SEMA3A: variants seen among roughly 807,000 people sequenced by gnomAD.
SEMA3A encodes the protein semaphorin 3A.
SEMA3A carries 29 observed loss-of-function variants against 97.9 expected under a neutral mutation model. The ratio of observed to expected loss-of-function variants is 0.30; its 90% confidence interval spans 0.22 to 0.40. The LOEUF is 0.40. Ranked by LOEUF, SEMA3A falls within the 10% of genes least tolerant of loss-of-function variation. The pLI is 1.00. For synonymous variants in SEMA3A, 321 were observed against 323.7 expected, an observed-to-expected ratio of 0.99 and a Z score of 0.09; for missense variants, 763 against 951.3, an observed-to-expected ratio of 0.80 and a Z score of 2.60.
intron 2 of SEMA3A, among the ~76,000 whole-genome samples, chr7:84,357,613 T>C (rs1324261440): frequency 1.3e-5 from 2 of 152,158 alleles, no homozygotes; most frequent in African/African-American, 4.8e-5. Context: ...CATGTGTCTT[T>C]ATAGCAGCAT....
intron 3 of SEMA3A, among the ~76,000 whole-genome samples, chr7:84,116,360 C>T (rs1795431165): frequency 6.6e-6 from 1 of 151,762 alleles, no homozygotes; most frequent in South Asian, 2.1e-4. Context: ...TTTTCATGAC[C>T]AAGTTTAGTT....
chr7:84,245,213 G>A (rs1300461966), intron 3 of SEMA3A, among the ~76,000 whole-genome samples: 3 of 152,076 alleles, frequency 2.0e-5, no homozygotes, highest in Non-Finnish European at 4.4e-5. Flanking sequence ...CTCCCCATCA[G>A]TTTCAGGTAC....
chr7:84,160,219 ATCTG>A (rs1295695909), intron 1 of SEMA3A, among the ~76,000 whole-genome samples: 2 of 130,444 alleles, frequency 1.5e-5, no homozygotes, highest in East Asian at 4.7e-4. Context: ...AAAACTATCA[ATCTG>A]TCTATCTATC....
chr7:84,152,157 A>G (rs1186492899), intron 1 of SEMA3A, among the ~76,000 whole-genome samples: 4 of 151,704 alleles, frequency 2.6e-5, no homozygotes, highest in Non-Finnish European at 4.4e-5. Flanking sequence ...ATCTAGAACT[A>G]GAAATACCAT....
At chr7:83,991,818 A>C (rs1484946553) in intron 12 of SEMA3A, among the ~76,000 whole-genome samples, 1 of 137,968 alleles carries the variant, frequency 7.2e-6, no homozygotes, top group Non-Finnish European at 1.6e-5. Context: ...TTGGTATCAG[A>C]ATGATGCTGG....
intron 6 of SEMA3A, among the ~76,000 whole-genome samples, chr7:84,042,712 G>C (rs1792179903): frequency 6.6e-6 from 1 of 151,910 alleles, no homozygotes; most frequent in African/African-American, 2.4e-5. Flanking sequence ...GTGAAACCCT[G>C]CCTCATTCTA....
At chr7:84,062,767 C>T (rs998470184) in intron 4 of SEMA3A, among the ~76,000 whole-genome samples, 5 of 152,200 alleles carry the variant, frequency 3.3e-5, no homozygotes, top group Non-Finnish European at 7.3e-5. Context: ...TTGGAGGGTC[C>T]TACACCCACG....
At chr7:84,088,839 A>G (rs1794473218) in intron 4 of SEMA3A, among the ~76,000 whole-genome samples, 1 of 152,166 alleles carries the variant, frequency 6.6e-6, no homozygotes, top group Non-Finnish European at 1.5e-5. Flanking sequence ...ACTTGCAGCC[A>G]TGATTAATAC....
chr7:84,450,334 A>G (rs764684768), intron 1 of SEMA3A, among the ~76,000 whole-genome samples: 2 of 152,046 alleles, frequency 1.3e-5, no homozygotes, highest in East Asian at 1.9e-4. Context: ...CTTGCGTGCA[A>G]TTCTTGGGCA....
intron 1 of SEMA3A, among the ~76,000 whole-genome samples, chr7:84,448,764 T>C (rs1209303960): frequency 6.6e-6 from 1 of 151,994 alleles, no homozygotes; most frequent in African/African-American, 2.4e-5. Context: ...TCCGTGCAAT[T>C]TGTTTGAAAA....
At chr7:84,271,678 C>T (rs543991932) in intron 3 of SEMA3A, among the ~76,000 whole-genome samples, 1 of 151,962 alleles carries the variant, frequency 6.6e-6, no homozygotes, top group Non-Finnish European at 1.5e-5. Flanking sequence ...CATAAGCCAC[C>T]AACTCTCTTT....
At chr7:84,334,233 A>G (rs974627319) in intron 2 of SEMA3A, among the ~76,000 whole-genome samples, 1 of 152,008 alleles carries the variant, frequency 6.6e-6, no homozygotes, top group African/African-American at 2.4e-5. Flanking sequence ...GCTATTCTAC[A>G]AATTTTGTTT....
At chr7:84,206,751 A>G (rs1455657560) in intron 3 of SEMA3A, among the ~76,000 whole-genome samples, 1 of 152,062 alleles carries the variant, frequency 6.6e-6, no homozygotes, top group Non-Finnish European at 1.5e-5. Context: ...CCCAAAGTGG[A>G]TACTATTAAA....
chr7:84,450,163 C>T (rs1584334000), intron 1 of SEMA3A, among the ~76,000 whole-genome samples: 1 of 152,016 alleles, frequency 6.6e-6, no homozygotes, highest in South Asian at 2.1e-4. Flanking sequence ...CTCCATAATT[C>T]CATAGCAGCA....
chr7:84,423,718 GA>G (rs1158766828), intron 1 of SEMA3A, among the ~76,000 whole-genome samples: 1 of 151,868 alleles, frequency 6.6e-6, no homozygotes, highest in Non-Finnish European at 1.5e-5. Context: ...CTAGTTAGCA[GA>G]AAATGTATTT....
At chr7:84,420,937 C>A (rs1435311516) in intron 1 of SEMA3A, among the ~76,000 whole-genome samples, 1 of 151,948 alleles carries the variant, frequency 6.6e-6, no homozygotes, top group African/African-American at 2.4e-5. Context: ...TTTCAAAAAA[C>A]CAGCTCCTAG....
chr7:84,406,536 C>A (rs1399582272), intron 1 of SEMA3A, among the ~76,000 whole-genome samples: 1 of 152,118 alleles, frequency 6.6e-6, no homozygotes, highest in Non-Finnish European at 1.5e-5. Context: ...GGAATCCTCC[C>A]TAACTCATTT....
chr7:84,282,433 T>C (rs6978737), intron 3 of SEMA3A, among the ~76,000 whole-genome samples: 12,314 of 152,190 alleles, frequency 0.081, 682 homozygotes, highest in East Asian at 0.29. Context: ...AGCATCCTCA[T>C]ATTTTTTAGC....
chr7:84,155,783 A>C (rs1796828968), intron 1 of SEMA3A, among the ~76,000 whole-genome samples: 1 of 152,096 alleles, frequency 6.6e-6, no homozygotes, highest in Non-Finnish European at 1.5e-5. Flanking sequence ...CCTTGTATTT[A>C]TATCAAAGTA....
Sources: gnomAD v4.1 joint callset for allele counts (sites outside exome capture counted in the v4.1 genomes callset) on GRCh38, gnomAD v4.1.1 for gene constraint, MANE v1.5 for transcripts, NCBI Gene and HGNC (gene_info 2026-07-23, HGNC 2026-07-21) for gene names.